Variants in MMP2 observed in about 807,000 individuals in gnomAD.
The protein encoded by MMP2 is matrix metallopeptidase 2.
Under a neutral mutation model 74.8 loss-of-function variants are expected in MMP2, and 39 were observed. That is an observed-to-expected ratio of 0.52 (90% CI 0.40 to 0.68). MMP2 has a LOEUF of 0.68. Ranked by LOEUF, MMP2 falls within the 30% of genes least tolerant of loss-of-function variation. The probability of loss-of-function intolerance (pLI) is 0.00; values close to 1 mark genes in which losing one functional copy is unlikely to be tolerated. For synonymous variants in MMP2, 367 were observed against 339.8 expected (o/e 1.08, Z -0.88); for missense variants, 803 against 878.3 (o/e 0.91, Z 1.08).
chr16:55,486,032 C>T (rs1452608872), intron 5 of MMP2, among the ~76,000 whole-genome samples: 1 of 152,150 alleles, frequency 6.6e-6, no homozygotes, highest in African/African-American at 2.4e-5. Context: ...CATTAGCAAT[C>T]ATTTAGGAAG....
At chr16:55,485,900 C>A in intron 5 of MMP2, 123 bp downstream of exon 5, 1 of 982,196 alleles carries the variant, frequency 1.0e-6, no homozygotes, top group Non-Finnish European at 1.6e-6. Flanking sequence ...ATGAGCATCC[C>A]TCCAACGTCC....
intron 8 of MMP2, 29 bp downstream of exon 8, chr16:55,491,985 G>C (rs1226441971): frequency 1.4e-6 from 2 of 1,411,834 alleles, no homozygotes; most frequent in East Asian, 5.2e-5. Flanking sequence ...GTTGGGGGTG[G>C]AGGGTGAGGA....
Position 55,493,891 on chromosome 16 carries a change from G to T in MMP2, c.1472+598G>T, listed in dbSNP as rs17859948. ...GGTGAGTGACTGCAGAGTAGAAAGA[G>T]GTGGTATTCTTCATGCTATAGATAA... On this transcript the variant is annotated intron_variant, in intron 9 of 12. Coordinates refer to ENST00000219070, the MANE Select transcript of MMP2 (RefSeq NM_004530.6). Among the ~76,000 whole-genome samples, 3 of 152,286 alleles carry T rather than the reference G, an allele frequency of 2.0e-5. No homozygotes were observed. The South Asian group carries it at 6.2e-4, about 32-fold the overall frequency.
chr16:55,479,431 C>T lies in MMP2; in HGVS notation c.-49C>T, dbSNP rs1336785224. The T allele has an allele frequency of 7.0e-7, 1 of 1,433,500 alleles. No individual in the cohort carries two copies. Among genetic ancestry groups the T allele is most frequent in the Admixed American group, 2.8e-5 (1 of 35,188 alleles). 88.8% of individuals were successfully genotyped at this position (1,433,500 alleles called of 1,614,324 possible). A position where few individuals can be genotyped will look rare whatever the true frequency, so the allele number is the denominator to read the frequency against. On this transcript the variant is annotated 5_prime_UTR_variant, in exon 1 of 13. Coordinates refer to ENST00000219070, the MANE Select transcript of MMP2 (RefSeq NM_004530.6). The stretch of plus-strand genomic sequence containing the variant: ...AACCAGGCGGCGAGGCGGCCACACG[C>T]ACCGAGCCAGCGACCCCCGGGCGAC...
rs1270077203 is a variant in MMP2, at chr16:55,489,723, A to G, written c.1079A>G (p.Tyr360Cys). Residue 360 changes from tyrosine (Y) to cysteine (C), a missense_variant, in exon 7 of 13, where the codon TAT (tyrosine) becomes TGT (cysteine). Around this residue, in one of 3 missense-constraint regions of MMP2, gnomAD observed 555 missense variants for 592.0 expected, o/e 0.94. Coordinates refer to ENST00000219070, the MANE Select transcript of MMP2 (RefSeq NM_004530.6). ...VFPFTFLGNK[Y>C]ESCTSAGRSD... ...CCCTTCACTTTCCTGGGCAACAAAT[A>G]TGAGAGCTGCACCAGCGCCGGCCGC... The G allele has an allele frequency of 6.2e-7, 1 of 1,613,928 alleles. No homozygotes were observed. The highest frequency in any genetic ancestry group is 1.3e-5 in the African/African-American group (1 of 74,864).
chr16:55,485,983 T>C (rs999164477), intron 5 of MMP2, among the ~76,000 whole-genome samples: 2 of 152,246 alleles, frequency 1.3e-5, no homozygotes, highest in Non-Finnish European at 1.5e-5. Flanking sequence ...ATGAACGTAG[T>C]ACTCTAATTA....
intron 1 of MMP2, 72 bp downstream of exon 1, chr16:55,479,704 C>T (rs1294217287): frequency 1.9e-6 from 3 of 1,597,968 alleles, no homozygotes; most frequent in South Asian, 1.1e-5. Context: ...GGGTGTCTCT[C>T]CCCCTGCCCT....
At chr16:55,486,326 T>C (rs1302302764) in intron 5 of MMP2, among the ~76,000 whole-genome samples, 4 of 112,972 alleles carry the variant, frequency 3.5e-5, no homozygotes, top group African/African-American at 1.4e-4. Flanking sequence ...CTAATGCGTG[T>C]GTGTGTGTGT....
chr16:55,491,747 C>T (rs1226082725), intron 7 of MMP2, 54 bp from the exon 8 acceptor site: 10 of 1,604,350 alleles, frequency 6.2e-6, no homozygotes, highest in Non-Finnish European at 8.5e-6. Context: ...GTCTTGACTT[C>T]TCTCTCATCT....
Position 55,485,326 on chromosome 16 carries a change from G to T in MMP2, c.557G>T (p.Gly186Val), listed in dbSNP as rs2142348311. Residue 186 changes from glycine (G) to valine (V), a missense_variant, in exon 4 of 13, where the codon GGT (glycine) becomes GTT (valine). Physicochemically the swap from Gly to Val is moderately radical, Grantham distance 109 (BLOSUM62 -3). Transcript: ENST00000219070. ...CATGGCGATGGATACCCCTTTGACG[G>T]TAAGGACGGACTCCTGGCTCATGCC... ...WEHGDGYPFD[G>V]KDGLLAHAFA... The T allele has an allele frequency of 6.2e-7, 1 of 1,614,148 alleles. No homozygotes were observed. Among genetic ancestry groups the T allele is most frequent in the Non-Finnish European group, 8.5e-7 (1 of 1,180,026 alleles).
At chr16:55,487,283 A>G (rs1175772283) in intron 5 of MMP2, 2 of 152,264 alleles carry the variant, frequency 1.3e-5, no homozygotes, top group Non-Finnish European at 2.9e-5. Flanking sequence ...GCCCCTGCTG[A>G]TGGCTGAGTC....
rs550749062 is a variant in MMP2 at position 55,486,332 on chromosome 16, T to C, written c.832+555T>C. Among the ~76,000 whole-genome samples, 162 of 134,288 alleles carry C rather than the reference T, an allele frequency of 1.2e-3. 1 individual carries two copies. The highest frequency in any genetic ancestry group is 2.1e-3 in the Non-Finnish European group (134 of 63,074). 88.1% of individuals were successfully genotyped at this position (134,288 alleles called of 152,430 possible). On this transcript the variant is annotated intron_variant, in intron 5 of 12. Transcript: ENST00000219070. ...CTGCCTCTGCTAATGCGTGTGTGTG[T>C]GTGTGTGTGTGTGCCTGTGTGTGTG...
chr16:55,483,566 CA>C (rs17859867), intron 2 of MMP2, among the ~76,000 whole-genome samples: 14,846 of 152,192 alleles, frequency 0.098, 901 homozygotes, highest in African/African-American at 0.17. Flanking sequence ...TTGGGTTTAG[CA>C]GCCCAATTGG....
In MMP2 at chr16:55,501,653, C is replaced by T. The variant is rs957049643; in HGVS notation, c.1770-1126C>T. ...AGGCGTTAGTTCTTCGGGGTGATGGCTGAGGGAGAAGTCCCTTTGAGGGAG... is the reference window on the plus strand; with the variant it reads ...AGGCGTTAGTTCTTCGGGGTGATGGTTGAGGGAGAAGTCCCTTTGAGGGAG... On this transcript the variant is annotated intron_variant, in intron 11 of 12. Transcript: ENST00000219070. Among the ~76,000 whole-genome samples the T allele has an allele frequency of 3.3e-5, 5 of 152,112 alleles. No individual in the cohort carries two copies. The East Asian group carries it at 9.7e-4, about 29-fold the overall frequency.
At chr16:55,480,705 T>TC (rs1235231331) in intron 1 of MMP2, 1 of 152,544 alleles carries the variant, frequency 6.6e-6, no homozygotes, top group Non-Finnish European at 1.5e-5. Context: ...CCCTCCAGCC[T>TC]CCCCCTCAAC....
chr16:55,503,115 C>T (rs1962711701), intron 12 of MMP2, among the ~76,000 whole-genome samples: 1 of 152,202 alleles, frequency 6.6e-6, no homozygotes, highest in Non-Finnish European at 1.5e-5. Context: ...CTCACAGCTG[C>T]AGGGCCTGGA....
upstream of MMP2, chr16:55,479,136 C>T (rs1272071578): frequency 2.7e-5 from 5 of 182,258 alleles, no homozygotes; most frequent in East Asian, 7.1e-4. Context: ...CCCCCAGCCC[C>T]GCTCTGCCAG....
At chr16:55,489,109 T>G (rs1218896831) in intron 6 of MMP2, among the ~76,000 whole-genome samples, 1 of 152,172 alleles carries the variant, frequency 6.6e-6, no homozygotes, top group Non-Finnish European at 1.5e-5. Context: ...TGTTTTTTAT[T>G]AAGAGCTCCG....
In MMP2 at chr16:55,482,583, A is replaced by G. The variant is rs925621489; in HGVS notation, c.154-326A>G. On this transcript the variant is annotated intron_variant, in intron 1 of 12. Transcript: ENST00000219070. ...TCTGTGCTTCAGTTTCCTCCTCTGT[A>G]TAATAGGGTTAGTATATCTACATTA... Among the ~76,000 whole-genome samples, 3 of 152,328 alleles carry G rather than the reference A, an allele frequency of 2.0e-5. No homozygotes were observed. The East Asian group carries it at 5.8e-4, about 29-fold the overall frequency.
Sources: gnomAD v4.1 joint callset for allele counts (sites outside exome capture counted in the v4.1 genomes callset) on GRCh38, gnomAD v4.1.1 for gene constraint, gnomAD v4.1.1 regional missense constraint, MANE v1.5 for transcripts, NCBI Gene and HGNC (gene_info 2026-07-23, HGNC 2026-07-21) for gene names.